The following TNNT3 variants were observed in gnomAD, a reference collection of about 807,000 sequenced individuals.
The protein encoded by TNNT3 is troponin T3, fast skeletal type.
TNNT3 carries 36 observed loss-of-function variants against 54.2 expected under a neutral mutation model. That is an observed-to-expected ratio of 0.66 (90% CI 0.51 to 0.88). TNNT3 has a LOEUF of 0.88. Among genes scored for constraint, TNNT3 ranks in the 40% least tolerant of loss-of-function variants. The probability of loss-of-function intolerance (pLI) is 0.00; values close to 1 mark genes in which losing one functional copy is unlikely to be tolerated. For synonymous variants in TNNT3, 120 were observed against 109.7 expected (o/e 1.09, Z -0.59); for missense variants, 291 against 331.6 (o/e 0.88, Z 0.95).
At chr11:1,921,920 G>T (rs935372764) in intron 1 of TNNT3, among the ~76,000 whole-genome samples, 1 of 152,198 alleles carries the variant, frequency 6.6e-6, no homozygotes, top group Non-Finnish European at 1.5e-5. Context: ...ACGGTCCCCA[G>T]CATGCTGGCC....
At position 1,932,882 on chromosome 11, in the gene TNNT3, T is replaced by G. The variant is rs904952609; in HGVS notation, c.171+368T>G. Among the ~76,000 whole-genome samples, 11 of 136,016 alleles carry G rather than the reference T, an allele frequency of 8.1e-5. No homozygotes were observed. The South Asian group carries it at 2.6e-3, about 32-fold the overall frequency. 89.2% of individuals were successfully genotyped at this position (136,016 alleles called of 152,430 possible). ...CATCCATCCATCCATCCTGCCTTACTTCCATCCATCCAACCAGCCACGTAT... is the reference window on the plus strand; with the variant it reads ...CATCCATCCATCCATCCTGCCTTACGTCCATCCATCCAACCAGCCACGTAT... On this transcript the variant is annotated intron_variant, in intron 9 of 15. Coordinates refer to ENST00000278317, the MANE Select transcript of TNNT3 (RefSeq NM_006757.4).
At chr11:1,932,768 C>G (rs920512194) in intron 9 of TNNT3, among the ~76,000 whole-genome samples, 14 of 151,664 alleles carry the variant, frequency 9.2e-5, no homozygotes, top group African/African-American at 3.4e-4. Context: ...ATTCACCTAT[C>G]CATTCATACA....
chr11:1,936,141 C>T, intron 14 of TNNT3: 1 of 1,579,634 alleles, frequency 6.3e-7, no homozygotes, highest in Non-Finnish European at 8.7e-7. Context: ...CATCACCAGG[C>T]CAAGCTAGCC....
chr11:1,930,825 A>C (rs1853161414), intron 8 of TNNT3, among the ~76,000 whole-genome samples: 1 of 152,182 alleles, frequency 6.6e-6, no homozygotes, highest in African/African-American at 2.4e-5. Context: ...ATTTTAGAAA[A>C]ATTGTTTGTG....
intron 4 of TNNT3, 29 bp from the exon 5 acceptor site, chr11:1,925,070 C>T (rs2133282374): frequency 6.2e-7 from 1 of 1,612,094 alleles, no homozygotes; most frequent in Non-Finnish European, 8.5e-7. Context: ...ACCCCGCCTT[C>T]TCCTGCTCCT....
chr11:1,923,172 G>A, intron 3 of TNNT3, 111 bp downstream of exon 3: 2 of 1,466,824 alleles, frequency 1.4e-6, no homozygotes, highest in Non-Finnish European at 1.9e-6. Flanking sequence ...CCCTACATCA[G>A]CTGCATCCCA....
At position 1,926,727 on chromosome 11, in the gene TNNT3, C is replaced by T. The variant is rs369718100; in HGVS notation, c.82+18C>T. ...TCAAGAAGGTACGCCGGCGCTCCCC[C>T]GCCTCCAGGCCAGAGTCTCCGTCCT... On this transcript the variant is annotated intron_variant, in intron 6 of 15. Coordinates refer to ENST00000278317, the MANE Select transcript of TNNT3 (RefSeq NM_006757.4). 37 of 1,613,164 alleles carry T rather than the reference C, an allele frequency of 2.3e-5. No individual in the cohort carries two copies. Among genetic ancestry groups the T allele is most frequent in the East Asian group, 4.5e-5 (2 of 44,900 alleles).
chr11:1,929,886 A>G, intron 8 of TNNT3, 58 bp downstream of exon 8: 1 of 1,539,390 alleles, frequency 6.5e-7, no homozygotes, highest in Non-Finnish European at 8.8e-7. Flanking sequence ...GGGGGTGGTC[A>G]AGTGAGTGTG....
At position 1,938,582 on chromosome 11, in the gene TNNT3, A is replaced by G. The variant is rs1855825561; in HGVS notation, c.*90A>G. 1 of 1,376,940 alleles carries G rather than the reference A, an allele frequency of 7.3e-7. No homozygotes were observed. The allele number at this position is 1,376,940 out of a possible 1,614,324, so 85.3% of individuals were successfully genotyped here. A position where few individuals can be genotyped will look rare whatever the true frequency, so the allele number is the denominator to read the frequency against. The stretch of plus-strand genomic sequence containing the variant: ...GGACTCCACATCCTCCAGCCCCCAC[A>G]ATCCTGTCAGGGGCTCCCTGACAGT... On this transcript the variant is annotated 3_prime_UTR_variant, in exon 16 of 16. Coordinates refer to ENST00000278317, the MANE Select transcript of TNNT3 (RefSeq NM_006757.4).
intron 14 of TNNT3, chr11:1,936,372 C>T (rs995852852): frequency 1.1e-5 from 13 of 1,146,220 alleles, no homozygotes; most frequent in Admixed American, 1.1e-4. Flanking sequence ...GGGCCTGGAG[C>T]CTTCCTCCTG....
intron 13 of TNNT3, 70 bp downstream of exon 13, chr11:1,934,725 G>A (rs1854457479): frequency 6.3e-6 from 10 of 1,597,644 alleles, no homozygotes; most frequent in Non-Finnish European, 8.6e-6. Context: ...CTGCTCCTCA[G>A]GCTGCCAAGG....
At chr11:1,928,012 G>T (rs1204769357) in intron 6 of TNNT3, 1 of 152,484 alleles carries the variant, frequency 6.6e-6, no homozygotes, top group Non-Finnish European at 1.5e-5. Flanking sequence ...TCTCTGTGGT[G>T]TGCAGGGGGC....
At position 1,937,101 on chromosome 11, in the gene TNNT3, TC is replaced by T; in HGVS notation, c.722+99del. 3.0e-6 allele frequency: 4 copies of T among 1,330,650 alleles called. No homozygotes were observed. In the East Asian group the frequency reaches 1.0e-4, roughly 33 times the overall value. The allele number at this position is 1,330,650 out of a possible 1,614,324, so 82.4% of individuals were successfully genotyped here. On this transcript the variant is annotated intron_variant, in intron 15 of 15. Transcript: ENST00000278317. ...TAACAAGGGCCGGTGGTGGCTGGCCTCGGCAGGGCAGTAACGAGACTAACCC... is the reference window on the plus strand; with the variant it reads ...TAACAAGGGCCGGTGGTGGCTGGCCTGGCAGGGCAGTAACGAGACTAACCC...
chr11:1,937,014 C>T lies in TNNT3; in HGVS notation c.722+11C>T. ...CCAGGCCCAGAAGCAGTGAGTAGCC[C>T]TGCCGTCCTCGCTCCGCACTGGGCA... On this transcript the variant is annotated intron_variant, in intron 15 of 15. Transcript: ENST00000278317. 6.3e-7 allele frequency: 1 copy of T among 1,592,984 alleles called. No homozygotes were observed. Among genetic ancestry groups the T allele is most frequent in the Non-Finnish European group, 8.5e-7 (1 of 1,171,638 alleles).
intron 11 of TNNT3, 136 bp downstream of exon 11, chr11:1,934,144 C>G: frequency 8.6e-7 from 1 of 1,156,738 alleles, no homozygotes; most frequent in Non-Finnish European, 1.3e-6. Flanking sequence ...GCTAAGGCCC[C>G]GGCGCCCTGC....
intron 8 of TNNT3, among the ~76,000 whole-genome samples, chr11:1,930,826 ATTGT>A (rs1387744830): frequency 1.3e-5 from 2 of 152,236 alleles, no homozygotes; most frequent in Non-Finnish European, 2.9e-5. Context: ...TTTTAGAAAA[ATTGT>A]TTGTGTTTTC....
At position 1,920,811 on chromosome 11, in the gene TNNT3, C is replaced by A. The variant is rs1005917138; in HGVS notation, c.-19+1049C>A. Among the ~76,000 whole-genome samples, 7 of 152,030 alleles carry A rather than the reference C, an allele frequency of 4.6e-5. No individual in the cohort carries two copies. In the East Asian group the frequency reaches 1.4e-3, roughly 29 times the overall value. On this transcript the variant is annotated intron_variant, in intron 1 of 15. Coordinates refer to ENST00000278317, the MANE Select transcript of TNNT3 (RefSeq NM_006757.4). ...GCTGTTGAAATGCCATCCCCTGCCC[C>A]CAGCACACCCCTGCCCCCAGCACAC...
rs3741221 is a variant in TNNT3, at chr11:1,924,889, G to C, written c.50-210G>C. On this transcript the variant is annotated intron_variant, in intron 4 of 15. Coordinates refer to ENST00000278317, the MANE Select transcript of TNNT3 (RefSeq NM_006757.4). ...GGCCCAGCCCAGCTGACAGTGACCA[G>C]CTCTGCTGGTGGGAGTCCGTGCTCC... is the stretch of plus-strand genomic sequence containing the variant. The C allele has an allele frequency of 1.8e-3, 1,222 of 666,314 alleles. 32 individuals are homozygous for C. The East Asian group carries it at 0.033, about 18-fold the overall frequency. The allele number at this position is 666,314 out of a possible 1,614,324, so 41.3% of individuals were successfully genotyped here.
chr11:1,930,573 A>C (rs117477992), intron 8 of TNNT3, among the ~76,000 whole-genome samples: 1 of 152,280 alleles, frequency 6.6e-6, no homozygotes, highest in East Asian at 1.9e-4. Context: ...CACCAGCCAC[A>C]GCACTCGCTA....
Sources: allele counts gnomAD v4.1 joint callset (sites outside exome capture counted in the v4.1 genomes callset), GRCh38; gene constraint gnomAD v4.1.1; transcripts MANE v1.5; gene names NCBI Gene and HGNC (gene_info 2026-07-23, HGNC 2026-07-21).